The following IMMP2L variants were observed in gnomAD, a reference collection of about 807,000 sequenced individuals.
IMMP2L encodes mitochondrial inner membrane protease subunit 2.
In IMMP2L, 18 loss-of-function variants were observed where a neutral mutation model predicts 19.3. That is an observed-to-expected ratio of 0.93 (90% CI 0.64 to 1.38). IMMP2L has a LOEUF of 1.38. IMMP2L is among the 40% of genes most tolerant of loss of function. IMMP2L has a pLI of 0.00. For synonymous variants in IMMP2L, 76 were observed against 73.0 expected (o/e 1.04, Z -0.21); for missense variants, 233 against 218.2 (o/e 1.07, Z -0.43).
intron 3 of IMMP2L, among the ~76,000 whole-genome samples, chr7:111,351,515 G>GT (rs1828161294): frequency 6.6e-6 from 1 of 152,078 alleles, no homozygotes; most frequent in African/African-American, 2.4e-5. Context: ...ACTGCACTGT[G>GT]TAACTCCCAA....
intron 3 of IMMP2L, among the ~76,000 whole-genome samples, chr7:111,135,618 A>T (rs577908574): frequency 6.6e-6 from 1 of 152,320 alleles, no homozygotes; most frequent in Admixed American, 6.5e-5. Flanking sequence ...TCATGATGCC[A>T]CATTATTATT....
intron 3 of IMMP2L, among the ~76,000 whole-genome samples, chr7:111,260,425 T>C (rs1480436682): frequency 6.6e-6 from 1 of 152,184 alleles, no homozygotes; most frequent in Non-Finnish European, 1.5e-5. Context: ...GTAATTTGAA[T>C]TCTACAAAAG....
At chr7:111,148,829 G>T (rs1010647556) in intron 3 of IMMP2L, among the ~76,000 whole-genome samples, 2 of 151,902 alleles carry the variant, frequency 1.3e-5, no homozygotes, top group African/African-American at 4.8e-5. Flanking sequence ...ATTATACTTT[G>T]TTATGAAACA....
intron 3 of IMMP2L, among the ~76,000 whole-genome samples, chr7:111,192,944 C>A (rs1049771193): frequency 6.6e-6 from 1 of 151,764 alleles, no homozygotes; most frequent in Non-Finnish European, 1.5e-5. Flanking sequence ...GATCAAGCCC[C>A]TGAGGAGAGT....
chr7:111,482,783 T>C (rs1232073158), intron 3 of IMMP2L, among the ~76,000 whole-genome samples: 1 of 152,150 alleles, frequency 6.6e-6, no homozygotes, highest in Non-Finnish European at 1.5e-5. Context: ...TTCCTCAGCC[T>C]CAGCAACTGC....
At chr7:110,824,944 T>C (rs956283660) in intron 5 of IMMP2L, among the ~76,000 whole-genome samples, 3 of 152,164 alleles carry the variant, frequency 2.0e-5, no homozygotes, top group Non-Finnish European at 2.9e-5. Flanking sequence ...GAAAACGCCA[T>C]CATCTCAGCC....
intron 3 of IMMP2L, among the ~76,000 whole-genome samples, chr7:111,281,056 C>A (rs529128929): frequency 7.0e-6 from 1 of 143,438 alleles, no homozygotes; most frequent in South Asian, 2.2e-4. Context: ...GGCAACAGAG[C>A]GAGACTCTGA....
intron 5 of IMMP2L, among the ~76,000 whole-genome samples, chr7:110,761,124 C>T (rs1798325800): frequency 6.6e-6 from 1 of 152,134 alleles, no homozygotes; most frequent in Non-Finnish European, 1.5e-5. Flanking sequence ...AAACTTTAAA[C>T]TTTTGGTGGC....
chr7:111,217,226 T>C (rs1812050335), intron 3 of IMMP2L, among the ~76,000 whole-genome samples: 1 of 151,924 alleles, frequency 6.6e-6, no homozygotes, highest in Admixed American at 6.6e-5. Context: ...TCTGTAGTAA[T>C]TCTTTATCTT....
rs1015377350 is a variant in IMMP2L, at chr7:111,537,937, C to A, written c.-2-16488G>T. ...TCTCTGGGCCCTTATACATCTCTCC[C>A]TTCTGTCTACATCACTCTTCCCACC... On this transcript the variant is annotated intron_variant, in intron 1 of 5. Coordinates refer to ENST00000405709, the MANE Select transcript of IMMP2L (RefSeq NM_032549.4). 1.3e-5 allele frequency among the ~76,000 whole-genome samples: 2 copies of A among 152,136 alleles called. 1 individual carries two copies. Among genetic ancestry groups the A allele is most frequent in the East Asian group, 3.9e-4 (2 of 5,168 alleles).
At chr7:110,686,900 C>T (rs1793155625) in intron 5 of IMMP2L, among the ~76,000 whole-genome samples, 1 of 152,084 alleles carries the variant, frequency 6.6e-6, no homozygotes, top group Non-Finnish European at 1.5e-5. Flanking sequence ...GATTAACACA[C>T]TTCAATCATT....
At chr7:110,855,225 A>G (rs1271184872) in intron 5 of IMMP2L, among the ~76,000 whole-genome samples, 3 of 152,026 alleles carry the variant, frequency 2.0e-5, no homozygotes, top group African/African-American at 7.2e-5. Flanking sequence ...GCTAACAGAA[A>G]AAAACAATTA....
chr7:111,127,775 C>T (rs1032531680), intron 3 of IMMP2L, among the ~76,000 whole-genome samples: 2 of 152,064 alleles, frequency 1.3e-5, no homozygotes, highest in Non-Finnish European at 2.9e-5. Context: ...TGAATGCTAC[C>T]TAATCTGCTC....
chr7:111,102,448 T>A (rs1798075958), intron 3 of IMMP2L, among the ~76,000 whole-genome samples: 1 of 151,730 alleles, frequency 6.6e-6, no homozygotes, highest in East Asian at 1.9e-4. Flanking sequence ...GTTTTCAAGA[T>A]GTCTCTTTAG....
At chr7:111,544,312 G>A (rs1848730082) in intron 1 of IMMP2L, among the ~76,000 whole-genome samples, 1 of 151,958 alleles carries the variant, frequency 6.6e-6, no homozygotes, top group Non-Finnish European at 1.5e-5. Context: ...GAGTTAATGG[G>A]TGCAGCACAC....
intron 3 of IMMP2L, among the ~76,000 whole-genome samples, chr7:111,360,863 A>C (rs1829196998): frequency 6.6e-6 from 1 of 152,036 alleles, no homozygotes; most frequent in African/African-American, 2.4e-5. Flanking sequence ...CCCTCTTCTC[A>C]CTAAATATTT....
chr7:110,816,881 C>T (rs1802568912), intron 5 of IMMP2L, among the ~76,000 whole-genome samples: 1 of 152,104 alleles, frequency 6.6e-6, no homozygotes, highest in South Asian at 2.1e-4. Context: ...AGATGGGTTT[C>T]CTGAATATAC....
intron 3 of IMMP2L, among the ~76,000 whole-genome samples, chr7:111,269,311 T>C (rs932116801): frequency 1.3e-5 from 2 of 152,190 alleles, no homozygotes; most frequent in Non-Finnish European, 2.9e-5. Context: ...TAAATAAGCA[T>C]TAATAAATGC....
At chr7:110,798,440 A>T (rs1801010681) in intron 5 of IMMP2L, among the ~76,000 whole-genome samples, 1 of 151,948 alleles carries the variant, frequency 6.6e-6, no homozygotes. Context: ...TGCCCATACT[A>T]CCTGACTCAT....
Sources: allele counts gnomAD v4.1 joint callset (sites outside exome capture counted in the v4.1 genomes callset), GRCh38; gene constraint gnomAD v4.1.1; transcripts MANE v1.5; gene names NCBI Gene and HGNC (gene_info 2026-07-23, HGNC 2026-07-21).